NF1: variants seen among roughly 807,000 people sequenced by gnomAD.
NF1 encodes the protein neurofibromin 1, also known as neurofibromin.
A neutral mutation model predicts 325.7 loss-of-function variants in NF1; 122 were observed. That is an observed-to-expected ratio of 0.37 (90% CI 0.32 to 0.44). The LOEUF is 0.44. NF1 is among the 20% of genes least tolerant of loss of function. NF1 has a pLI of 1.00. For synonymous variants in NF1, 1,091 were observed against 1,186.0 expected, an observed-to-expected ratio of 0.92 and a Z score of 1.65; for missense variants, 2,140 against 3,415.4, an observed-to-expected ratio of 0.63 and a Z score of 9.31.
chr17:31,287,056 G>T (rs991990580), intron 36 of NF1, among the ~76,000 whole-genome samples: 2 of 152,328 alleles, frequency 1.3e-5, no homozygotes, highest in Non-Finnish European at 2.9e-5. Flanking sequence ...TGGTATCCAT[G>T]TGAAATGTTC....
chr17:31,134,845 C>T (rs1043046083), intron 1 of NF1, among the ~76,000 whole-genome samples: 1 of 152,182 alleles, frequency 6.6e-6, no homozygotes, highest in East Asian at 1.9e-4. Context: ...CACATTCTTT[C>T]ATGATCCTTA....
chr17:31,207,580 GT>G (rs1414193388), intron 12 of NF1, among the ~76,000 whole-genome samples: 1 of 152,030 alleles, frequency 6.6e-6, no homozygotes, highest in Non-Finnish European at 1.5e-5. Context: ...TGGCAATGAT[GT>G]TTCCTTAAGT....
In NF1 at chr17:31,230,248, A is replaced by T. The variant is rs760838737; in HGVS notation, c.2991-12A>T. 6.2e-7 allele frequency: 1 copy of T among 1,610,506 alleles called. No homozygotes were observed. Among genetic ancestry groups the T allele is most frequent in the East Asian group, 2.2e-5 (1 of 44,552 alleles). ...ATCTGATAATTTTTTTATTGTTTCT[A>T]TGTCTATATAGGTATGTTCGTGTGC... On this transcript the variant is annotated splice_polypyrimidine_tract_variant and intron_variant, in intron 22 of 57. Coordinates refer to ENST00000358273, the MANE Select transcript of NF1 (RefSeq NM_001042492.3).
chr17:31,098,243 CAT>C lies in NF1; in HGVS notation c.60+2876_60+2877del, dbSNP rs150393088. ...ACTGAGGCATGGGAAGGTTAAGTGACATAGATCTAATAAGAGCTTCAGTATGA... is the reference window on the plus strand; with the variant it reads ...ACTGAGGCATGGGAAGGTTAAGTGACAGATCTAATAAGAGCTTCAGTATGA... On this transcript the variant is annotated intron_variant, in intron 1 of 57. Coordinates refer to ENST00000358273, the MANE Select transcript of NF1 (RefSeq NM_001042492.3). Among the ~76,000 whole-genome samples the C allele has an allele frequency of 9.3e-3, 1,413 of 151,892 alleles. 28 individuals carry two copies. Among genetic ancestry groups the C allele is most frequent in the African/African-American group, 0.032 (1,331 of 41,450 alleles).
At chr17:31,272,798 A>C (rs1346225157) in intron 36 of NF1, 4 of 152,220 alleles carry the variant, frequency 2.6e-5, no homozygotes, top group Non-Finnish European at 5.9e-5. Context: ...TTTTAATTGA[A>C]CACTTGGATC....
intron 30 of NF1, 31 bp downstream of exon 30, chr17:31,249,150 A>C (rs1000486007): frequency 6.2e-7 from 1 of 1,609,686 alleles, no homozygotes; most frequent in Non-Finnish European, 8.5e-7. Context: ...TACCATTATT[A>C]ATCTAAAGTT....
intron 8 of NF1, among the ~76,000 whole-genome samples, chr17:31,188,984 T>C (rs1414501475): frequency 6.6e-6 from 1 of 152,232 alleles, no homozygotes; most frequent in Non-Finnish European, 1.5e-5. Flanking sequence ...ATCTATTCCC[T>C]TAATTCTGTC....
chr17:31,304,208 A>G (rs1053936322), intron 36 of NF1: 2 of 1,487,900 alleles, frequency 1.3e-6, no homozygotes, highest in South Asian at 1.4e-5. Context: ...TTAACATATA[A>G]AGAAAAAAGA....
In NF1 at chr17:31,337,361, C is replaced by G. The variant is rs1597843613; in HGVS notation, c.6428-7C>G. ...CTGTCTTTACTTGTTCCTTTATTCT[C>G]TTACAGAAGAGACCAAGCAAGTTTT... is the stretch of plus-strand genomic sequence containing the variant. On this transcript the variant is annotated splice_polypyrimidine_tract_variant and splice_region_variant and intron_variant, in intron 42 of 57. Coordinates refer to ENST00000358273, the MANE Select transcript of NF1 (RefSeq NM_001042492.3). 1.9e-6 allele frequency: 3 copies of G among 1,604,760 alleles called. No individual in the cohort carries two copies. The highest frequency in any genetic ancestry group is 2.6e-6 in the Non-Finnish European group (3 of 1,171,780).
At chr17:31,109,780 G>T (rs1472529524) in intron 1 of NF1, among the ~76,000 whole-genome samples, 1 of 152,144 alleles carries the variant, frequency 6.6e-6, no homozygotes, top group African/African-American at 2.4e-5. Flanking sequence ...GGACTCTAGT[G>T]ATTCTTGTTC....
intron 1 of NF1, among the ~76,000 whole-genome samples, chr17:31,143,894 T>C (rs1380501478): frequency 6.6e-6 from 1 of 152,214 alleles, no homozygotes; most frequent in East Asian, 1.9e-4. Flanking sequence ...CAGTCTCGGC[T>C]CACTGCAAGC....
intron 30 of NF1, chr17:31,251,666 TAC>T (rs1324120830): frequency 1.0e-5 from 2 of 199,256 alleles, no homozygotes; most frequent in East Asian, 7.8e-5. Context: ...TGAAGTAGTT[TAC>T]ACACAGTTTT....
intron 4 of NF1, 64 bp from the exon 5 acceptor site, chr17:31,169,827 T>G: frequency 1.9e-3 from 2,164 of 1,124,646 alleles, no homozygotes; most frequent in Non-Finnish European, 2.6e-3. Context: ...ATTACAGGTG[T>G]GAGATACCAC....
At chr17:31,350,121 C>T (rs547338666) in intron 49 of NF1, 62 bp from the exon 50 acceptor site, 3 of 1,585,012 alleles carry the variant, frequency 1.9e-6, no homozygotes, top group Non-Finnish European at 8.7e-7. Flanking sequence ...AGAAGTTCAT[C>T]CTGTTTTAAG....
chr17:31,317,186 G>A (rs2069042208), intron 36 of NF1, among the ~76,000 whole-genome samples: 1 of 152,012 alleles, frequency 6.6e-6, no homozygotes, highest in Non-Finnish European at 1.5e-5. Context: ...TTTGAAATGT[G>A]GCCTGATCTT....
chr17:31,225,889 A>T (rs996884521), intron 17 of NF1, among the ~76,000 whole-genome samples: 14 of 152,164 alleles, frequency 9.2e-5, no homozygotes, highest in African/African-American at 3.4e-4. Flanking sequence ...TTTATCAATT[A>T]TTTTCTCCAT....
At chr17:31,349,452 C>A (rs1028780262) in intron 49 of NF1, among the ~76,000 whole-genome samples, 3 of 152,104 alleles carry the variant, frequency 2.0e-5, no homozygotes, top group Admixed American at 2.0e-4. Flanking sequence ...CCATTAAAAT[C>A]TGAAATGTGT....
intron 13 of NF1, among the ~76,000 whole-genome samples, chr17:31,216,744 T>C (rs1243796814): frequency 6.6e-6 from 1 of 152,150 alleles, no homozygotes; most frequent in African/African-American, 2.4e-5. Flanking sequence ...AAAATCTTTC[T>C]CCCATCTACC....
Position 31,263,120 on chromosome 17 carries a change from T to TAGATAGATAAGATA in NF1, c.4724+1268_4724+1269insGATAAGATAAGATA, listed in dbSNP as rs149743607. 6.1e-4 allele frequency among the ~76,000 whole-genome samples: 58 copies of TAGATAGATAAGATA among 95,768 alleles called. 1 individual carries two copies. Among genetic ancestry groups the TAGATAGATAAGATA allele is most frequent in the African/African-American group, 1.5e-3 (56 of 36,686 alleles). 62.8% of individuals were successfully genotyped at this position (95,768 alleles called of 152,430 possible). ...GTAGGTAGGTAGGTAGATAGATAGA[T>TAGATAGATAAGATA]AGATAAGATAAGATAAGATAAGATA... On this transcript the variant is annotated intron_variant, in intron 35 of 57. Transcript: ENST00000358273.
Sources: allele counts gnomAD v4.1 joint callset (sites outside exome capture counted in the v4.1 genomes callset), GRCh38; gene constraint gnomAD v4.1.1; transcripts MANE v1.5; gene names NCBI Gene and HGNC (gene_info 2026-07-23, HGNC 2026-07-21).